ZBTB11: variants seen among roughly 807,000 people sequenced by gnomAD.
The protein encoded by ZBTB11 is zinc finger and BTB domain-containing protein 11.
ZBTB11 carries 68 observed loss-of-function variants against 113.1 expected under a neutral mutation model. That is an observed-to-expected ratio of 0.60 (90% CI 0.49 to 0.74). The LOEUF (loss-of-function observed/expected upper bound fraction) is 0.74. ZBTB11 is among the 30% of genes least tolerant of loss of function. The pLI is 0.00. For synonymous variants in ZBTB11, 518 were observed against 452.6 expected (o/e 1.14, Z -1.83); for missense variants, 1,104 against 1,279.4 (o/e 0.86, Z 2.09).
At chr3:101,667,612 A>G (rs1400503704) in intron 3 of ZBTB11, among the ~76,000 whole-genome samples, 1 of 152,214 alleles carries the variant, frequency 6.6e-6, no homozygotes, top group African/African-American at 2.4e-5. Context: ...GGGACTCCCC[A>G]CCAACATTAT....
intron 10 of ZBTB11, 23 bp from the exon 11 acceptor site, chr3:101,651,706 A>G (rs1224687588): frequency 6.7e-7 from 1 of 1,486,754 alleles, no homozygotes; most frequent in East Asian, 2.3e-5. Flanking sequence ...AAAAAAAAGC[A>G]TGTGTAGTGA....
intron 3 of ZBTB11, among the ~76,000 whole-genome samples, chr3:101,667,497 T>C (rs1222877728): frequency 6.6e-6 from 1 of 152,216 alleles, no homozygotes; most frequent in East Asian, 1.9e-4. Flanking sequence ...ACTCAAGGTA[T>C]GTAAAGTGTG....
At chr3:101,670,753 C>A (rs956959162) in intron 3 of ZBTB11, 71 of 182,012 alleles carry the variant, frequency 3.9e-4, no homozygotes, top group African/African-American at 1.7e-3. Flanking sequence ...ATCCCAGCCT[C>A]CCAAGTAGGT....
At chr3:101,654,260 C>T (rs1380384963) in intron 8 of ZBTB11, among the ~76,000 whole-genome samples, 4 of 152,122 alleles carry the variant, frequency 2.6e-5, no homozygotes, top group South Asian at 4.1e-4. Context: ...AGGCTGGTCT[C>T]GAACTTCTGA....
intron 5 of ZBTB11, 86 bp downstream of exon 5, chr3:101,664,452 T>C (rs1000855518): frequency 2.2e-6 from 3 of 1,334,330 alleles, no homozygotes; most frequent in Non-Finnish European, 3.1e-6. Context: ...AGACATAGAA[T>C]ACAAGCGAAA....
chr3:101,656,156 A>C lies in ZBTB11; in HGVS notation c.2139T>G (p.Val713=). 1.9e-6 allele frequency: 3 copies of C among 1,599,720 alleles called. No individual in the cohort carries two copies. Among genetic ancestry groups the C allele is most frequent in the Non-Finnish European group, 2.6e-6 (3 of 1,173,800 alleles). The change falls in exon 7 of 11, where the codon GTT becomes GTG. Residue 713 remains valine (V), a synonymous_variant. Coordinates refer to ENST00000312938, the MANE Select transcript of ZBTB11 (RefSeq NM_014415.4). The part of the protein sequence containing the change: ...SQKQFQCELC[V]KSFVTKRSLQ... ...GACTCCGTTTGGTAACAAATGACTT[A>C]ACACACAGTTCACACTGGAACTGCT...
At chr3:101,659,739 G>GT in intron 6 of ZBTB11, 44 bp downstream of exon 6, 1 of 1,604,902 alleles carries the variant, frequency 6.2e-7, no homozygotes, top group South Asian at 1.1e-5. Flanking sequence ...ACATAGTTAA[G>GT]TTCTAATGTT....
chr3:101,674,747 G>A (rs1401449050), intron 1 of ZBTB11, among the ~76,000 whole-genome samples: 2 of 148,254 alleles, frequency 1.3e-5, no homozygotes, highest in African/African-American at 4.9e-5. Flanking sequence ...ATCGTCTCAG[G>A]TTTTTGCCTT....
Position 101,660,455 on chromosome 3 carries a change from CAA to C in ZBTB11, c.1801-429_1801-428del, listed in dbSNP as rs1936869434. ...TTAAAAAATCTTTGATTTTTAAAAT[CAA>C]AGTTATATATGCTTACCCTCTGCAA... On this transcript the variant is annotated intron_variant, in intron 5 of 10. Transcript: ENST00000312938. Among the ~76,000 whole-genome samples the C allele has an allele frequency of 2.0e-5, 3 of 152,120 alleles. No individual in the cohort carries two copies. The South Asian group carries it at 6.2e-4, about 32-fold the overall frequency.
intron 5 of ZBTB11, among the ~76,000 whole-genome samples, chr3:101,662,812 G>C (rs1256267050): frequency 6.6e-6 from 1 of 151,852 alleles, no homozygotes; most frequent in African/African-American, 2.4e-5. Context: ...TGCAGGCTGG[G>C]GTGCAGTAGG....
intron 1 of ZBTB11, among the ~76,000 whole-genome samples, chr3:101,675,766 C>T (rs1212761550): frequency 6.6e-6 from 1 of 152,208 alleles, no homozygotes; most frequent in African/African-American, 2.4e-5. Context: ...GCGTTTTTCA[C>T]ATCATTAGGG....
intron 7 of ZBTB11, 143 bp from the exon 8 acceptor site, chr3:101,654,964 A>C (rs1576644024): frequency 1.7e-6 from 1 of 578,516 alleles, no homozygotes; most frequent in Admixed American, 2.8e-5. Context: ...CGCAAACTCC[A>C]CCTCCCAGGT....
At position 101,656,176 on chromosome 3, in the gene ZBTB11, A is replaced by T. The variant is rs1374508073; in HGVS notation, c.2119T>A (p.Phe707Ile). ...HQSLHQSQKQFQCELCVKSFV... is the reference protein window; with the variant it reads ...HQSLHQSQKQIQCELCVKSFV... The stretch of plus-strand genomic sequence containing the variant: ...GACTTAACACACAGTTCACACTGGA[A>T]CTGCTTCTGTGATTGATGAAGACTC... Residue 707 changes from phenylalanine to isoleucine, a missense_variant, in exon 7 of 11, where the codon TTC becomes ATC. By Grantham distance (21) the Phe-to-Ile change is conservative. Coordinates refer to ENST00000312938, the MANE Select transcript of ZBTB11 (RefSeq NM_014415.4). 1 of 1,602,010 alleles carries T rather than the reference A, an allele frequency of 6.2e-7. No individual in the cohort carries two copies. Among genetic ancestry groups the T allele is most frequent in the Non-Finnish European group, 8.5e-7 (1 of 1,174,826 alleles).
At chr3:101,670,913 T>A (rs1937076385) in intron 3 of ZBTB11, 1 of 489,308 alleles carries the variant, frequency 2.0e-6, no homozygotes, top group Admixed American at 3.6e-5. Flanking sequence ...TCTGCTATAA[T>A]TGTCTCACTT....
Position 101,665,170 on chromosome 3 carries a change from G to A in ZBTB11, c.1417C>T (p.His473Tyr). ...EDICAEDIPK[H>Y]RQKVDQPLKD... ...AAAGGTTGGTCAACTTTCTGCCTAT[G>A]TTTTGGAATGTCTTCGGCACAAATA... Residue 473 changes from histidine to tyrosine, a missense_variant, in exon 4 of 11, where the codon CAT (histidine) becomes TAT (tyrosine). Transcript: ENST00000312938. 1 of 1,614,102 alleles carries A rather than the reference G, an allele frequency of 6.2e-7. No homozygotes were observed. Among genetic ancestry groups the A allele is most frequent in the African/African-American group, 1.3e-5 (1 of 75,016 alleles).
At chr3:101,661,371 T>G (rs1936884779) in intron 5 of ZBTB11, among the ~76,000 whole-genome samples, 1 of 152,220 alleles carries the variant, frequency 6.6e-6, no homozygotes, top group Non-Finnish European at 1.5e-5. Context: ...ATGCCATGTT[T>G]TGTATTTAAC....
intron 7 of ZBTB11, among the ~76,000 whole-genome samples, chr3:101,655,093 G>C (rs143868369): frequency 6.6e-6 from 1 of 152,100 alleles, no homozygotes; most frequent in Non-Finnish European, 1.5e-5. Context: ...AGCCAGGAGC[G>C]TCTCGATGTC....
intron 6 of ZBTB11, among the ~76,000 whole-genome samples, chr3:101,658,263 T>C (rs1196900163): frequency 6.6e-6 from 1 of 151,448 alleles, no homozygotes; most frequent in Non-Finnish European, 1.5e-5. Flanking sequence ...TCTCACTCTG[T>C]CGCCCAGGCT....
chr3:101,651,014 G>T lies in ZBTB11; in HGVS notation c.*152C>A. 1 of 829,688 alleles carries T rather than the reference G, an allele frequency of 1.2e-6. No individual in the cohort carries two copies. The highest frequency in any genetic ancestry group is 1.8e-6 in the Non-Finnish European group (1 of 559,682). 51.4% of individuals were successfully genotyped at this position (829,688 alleles called of 1,614,324 possible). On this transcript the variant is annotated 3_prime_UTR_variant, in exon 11 of 11. Coordinates refer to ENST00000312938, the MANE Select transcript of ZBTB11 (RefSeq NM_014415.4). Reference sequence around the variant, plus strand: ...ACGGACTTTTCTATAGAACCCATTGGCCAGACAAAATGTTTGGAAACGTTA... The same window carrying T: ...ACGGACTTTTCTATAGAACCCATTGTCCAGACAAAATGTTTGGAAACGTTA...
Sources: allele counts gnomAD v4.1 joint callset (sites outside exome capture counted in the v4.1 genomes callset), GRCh38; gene constraint gnomAD v4.1.1; transcripts MANE v1.5; gene names NCBI Gene and HGNC (gene_info 2026-07-23, HGNC 2026-07-21).